RNF19A: variants seen among roughly 807,000 people sequenced by gnomAD.
RNF19A encodes the protein ring finger protein 19A, RBR E3 ubiquitin protein ligase, also known as E3 ubiquitin-protein ligase RNF19A.
RNF19A carries 32 observed loss-of-function variants against 75.7 expected under a neutral mutation model. That is an observed-to-expected ratio of 0.42 (90% CI 0.32 to 0.57). RNF19A has a LOEUF of 0.57. Among genes scored for constraint, RNF19A ranks in the 20% least tolerant of loss-of-function variants. RNF19A has a pLI of 0.10. For missense variants in RNF19A, 782 were observed against 1,036.3 expected (o/e 0.75, Z 3.37); for synonymous variants, 335 against 345.2 (o/e 0.97, Z 0.33).
At chr8:100,297,779 T>C (rs1821638385) in intron 1 of RNF19A, among the ~76,000 whole-genome samples, 2 of 152,222 alleles carry the variant, frequency 1.3e-5, no homozygotes, top group Non-Finnish European at 2.9e-5. Context: ...CTGTTACAGA[T>C]ACAATTATCT....
chr8:100,291,989 T>C (rs1224143655), intron 1 of RNF19A, among the ~76,000 whole-genome samples: 3 of 127,294 alleles, frequency 2.4e-5, no homozygotes, highest in Admixed American at 7.7e-5. Context: ...TTTTTTTTTT[T>C]CAAGTAAAGA....
upstream of RNF19A, chr8:100,309,957 G>T: frequency 1.0e-6 from 1 of 985,606 alleles, no homozygotes; most frequent in Non-Finnish European, 1.2e-6. Context: ...GAAGCGCGGG[G>T]GAGGGTCCCT....
intron 1 of RNF19A, among the ~76,000 whole-genome samples, chr8:100,327,805 G>A (rs1158218364): frequency 1.3e-5 from 2 of 152,194 alleles, no homozygotes; most frequent in Non-Finnish European, 2.9e-5. Context: ...GAGCACCATG[G>A]ATGGTTCTGC....
At chr8:100,309,584 G>C in intron 1 of RNF19A, 2 of 969,508 alleles carry the variant, frequency 2.1e-6, no homozygotes, top group Non-Finnish European at 2.5e-6. Flanking sequence ...GCTTGGGGCG[G>C]ATCCCACGCT....
At chr8:100,263,141 A>C (rs1444390754) in intron 7 of RNF19A, among the ~76,000 whole-genome samples, 3 of 152,182 alleles carry the variant, frequency 2.0e-5, no homozygotes, top group African/African-American at 7.2e-5. Flanking sequence ...AGATGAGATT[A>C]GGGGAAAAGT....
intron 1 of RNF19A, among the ~76,000 whole-genome samples, chr8:100,327,300 G>C (rs1822548459): frequency 7.7e-6 from 1 of 130,490 alleles, no homozygotes; most frequent in East Asian, 2.2e-4. Context: ...CGCCCAGGCT[G>C]GGGTGCAGTG....
In RNF19A at chr8:100,258,804, C is replaced by T. The variant is rs569524998; in HGVS notation, c.2269G>A (p.Val757Ile). ...SSDYHTRFAT[V>I]NILPEVENDR... ...TTTTCTACCTCAGGAAGAATGTTAA[C>T]AGTAGCAAAGCGGGTGTGATAATCA... Residue 757 changes from valine to isoleucine, a missense_variant, in exon 10 of 10, where the codon GTT (valine) becomes ATT (isoleucine). Physicochemically the swap from Val to Ile is conservative, Grantham distance 29. Coordinates refer to ENST00000341084, the MANE Select transcript of RNF19A (RefSeq NM_183419.4). This position sits in a 1 kb window ranked among gnomAD's most constrained non-coding sequence, Gnocchi z 4.3. 101 of 1,614,158 alleles carry T rather than the reference C, an allele frequency of 6.3e-5. No individual in the cohort carries two copies. The highest frequency in any genetic ancestry group is 8.4e-5 in the Non-Finnish European group (99 of 1,180,026).
chr8:100,309,257 A>C, intron 1 of RNF19A: 1 of 954,288 alleles, frequency 1.0e-6, no homozygotes, highest in African/African-American at 1.8e-5. Context: ...GTGATGTGTA[A>C]TTTTTGCTTT....
rs1822549452 is a variant in RNF19A at position 100,327,340 on chromosome 8, C to T, written c.-243+8768G>A. Among the ~76,000 whole-genome samples the T allele has an allele frequency of 3.4e-5, 5 of 145,818 alleles. No individual in the cohort carries two copies. The Admixed American group carries it at 3.5e-4, about 10-fold the overall frequency. Reference sequence around the variant, plus strand: ...GATCTTGGCTCACTGCAACCTCTACCTCCTGGGTTCAAGTGATTCTCATGC... The same window carrying T: ...GATCTTGGCTCACTGCAACCTCTACTTCCTGGGTTCAAGTGATTCTCATGC... On this transcript the variant is annotated intron_variant, in intron 1 of 3. Coordinates refer to the RNF19A transcript ENST00000519527.
chr8:100,319,960 C>CA (rs1190305397), intron 1 of RNF19A, among the ~76,000 whole-genome samples: 1 of 149,170 alleles, frequency 6.7e-6, no homozygotes, highest in Non-Finnish European at 1.5e-5. Context: ...CTCAGCCTCC[C>CA]AAGTAGCTGG....
chr8:100,282,285 G>C (rs1227894879), intron 2 of RNF19A, among the ~76,000 whole-genome samples: 1 of 152,112 alleles, frequency 6.6e-6, no homozygotes, highest in East Asian at 1.9e-4. Context: ...ACAATGTTTG[G>C]TATAGGAGTA....
intron 3 of RNF19A, 123 bp downstream of exon 3, chr8:100,274,830 T>C (rs1820424962): frequency 1.4e-6 from 1 of 690,070 alleles, no homozygotes; most frequent in Non-Finnish European, 2.4e-6. Flanking sequence ...GCTTCTGGGA[T>C]AGAAATGCAC....
intron 2 of RNF19A, among the ~76,000 whole-genome samples, chr8:100,281,746 T>C (rs2129833733): frequency 6.6e-6 from 1 of 152,348 alleles, no homozygotes; most frequent in South Asian, 2.1e-4. Context: ...TTTAAATAAC[T>C]TTCTTTGTTC....
rs1819510173 is a variant in RNF19A, at chr8:100,257,476, C to T, written c.*1080G>A. The stretch of plus-strand genomic sequence containing the variant: ...GCAAAAGAAAATAATGCTAATCATA[C>T]ATGGACCTTTTGTACTTGGTACAAG... On this transcript the variant is annotated 3_prime_UTR_variant, in exon 10 of 10. Transcript: ENST00000341084. The T allele has an allele frequency of 6.6e-6, 1 of 152,666 alleles. No individual in the cohort carries two copies. Among genetic ancestry groups the T allele is most frequent in the Non-Finnish European group, 1.5e-5 (1 of 68,088 alleles). 9.5% of individuals were successfully genotyped at this position (152,666 alleles called of 1,614,324 possible). A position where few individuals can be genotyped will look rare whatever the true frequency, so the allele number is the denominator to read the frequency against.
At chr8:100,313,349 T>C, upstream of RNF19A, 2 of 982,394 alleles carry the variant, frequency 2.0e-6, no homozygotes, top group Non-Finnish European at 2.4e-6. Flanking sequence ...CTAACGTCAA[T>C]TCTTCTGACA....
In RNF19A at chr8:100,316,672, C is replaced by G. The variant is rs180986024; in HGVS notation, c.-242-3300G>C. Among the ~76,000 whole-genome samples, 92 of 152,308 alleles carry G rather than the reference C, an allele frequency of 6.0e-4. No homozygotes were observed. In the East Asian group the frequency reaches 0.014, roughly 23 times the overall value. On this transcript the variant is annotated intron_variant, in intron 1 of 3. Coordinates refer to the RNF19A transcript ENST00000519527. The stretch of plus-strand genomic sequence containing the variant: ...CCCTGAGCTAGACATAAAGACTCTC[C>G]ACGTCCCCACCAGACTCAGGAGCCC...
In RNF19A at chr8:100,261,219, C is replaced by T. The variant is rs1160232194; in HGVS notation, c.1682+323G>A. On this transcript the variant is annotated intron_variant, in intron 8 of 9. Coordinates refer to ENST00000341084, the MANE Select transcript of RNF19A (RefSeq NM_183419.4). This position sits in a 1 kb window ranked among gnomAD's most constrained non-coding sequence, Gnocchi z 4.4. ...AAGTGATCCTCCTACCTCAGCCTCC[C>T]GACCAGCTGGGACTACAGGTGCATG... 6.6e-6 allele frequency among the ~76,000 whole-genome samples: 1 copy of T among 152,112 alleles called. No individual in the cohort carries two copies. The highest frequency in any genetic ancestry group is 1.9e-4 in the East Asian group (1 of 5,166).
At position 100,259,081 on chromosome 8, in the gene RNF19A, G is replaced by A; in HGVS notation, c.1992C>T (p.Ser664=). 5 of 1,613,726 alleles carry A rather than the reference G, an allele frequency of 3.1e-6. No homozygotes were observed. The highest frequency in any genetic ancestry group is 4.2e-6 in the Non-Finnish European group (5 of 1,179,974). The change falls in exon 10 of 10, where the codon TCC becomes TCT. Residue 664 remains serine (S), a synonymous_variant. Transcript: ENST00000341084. The surrounding 1 kb of genome is among the most constrained non-coding windows in gnomAD (Gnocchi z 4.5). Reference sequence around the variant, plus strand: ...ATTTTTTCCCTGCTGTTGCTTCTTTGGACCACTTGGTGGCACTAGATTTAC... The same window carrying A: ...ATTTTTTCCCTGCTGTTGCTTCTTTAGACCACTTGGTGGCACTAGATTTAC... ...PEGKSSATKW[S]KEATAGKKSK...
At position 100,275,984 on chromosome 8, in the gene RNF19A, T is replaced by C. The variant is rs575512108; in HGVS notation, c.675-823A>G. Among the ~76,000 whole-genome samples the C allele has an allele frequency of 7.2e-5, 11 of 152,282 alleles. No individual in the cohort carries two copies. Among genetic ancestry groups the C allele is most frequent in the African/African-American group, 1.4e-4 (6 of 41,542 alleles). On this transcript the variant is annotated intron_variant, in intron 2 of 9. Coordinates refer to ENST00000341084, the MANE Select transcript of RNF19A (RefSeq NM_183419.4). The surrounding 1 kb of genome is among the most constrained non-coding windows in gnomAD (Gnocchi z 4.3). ...AAAATAAAAAAAAACTGTTTTTTTT[T>C]CCTTCGGATTAAAGACTGAGAACTG...
Sources: gnomAD v4.1 joint callset for allele counts (sites outside exome capture counted in the v4.1 genomes callset) on GRCh38, gnomAD v4.1.1 for gene constraint, Gnocchi (gnomAD v3.1) non-coding constraint, MANE v1.5 for transcripts, NCBI Gene and HGNC (gene_info 2026-07-23, HGNC 2026-07-21) for gene names.